The following TNFSF11 variants were observed in gnomAD, a reference collection of about 807,000 sequenced individuals.
The protein encoded by TNFSF11 is tumor necrosis factor ligand superfamily member 11.
Under a neutral mutation model 32.2 loss-of-function variants are expected in TNFSF11, and 12 were observed. That is an observed-to-expected ratio of 0.37 (90% CI 0.24 to 0.60). The LOEUF is 0.60. Ranked by LOEUF, TNFSF11 falls within the 20% of genes least tolerant of loss-of-function variation. The pLI is 0.66. For synonymous variants in TNFSF11, 172 were observed against 152.1 expected, an observed-to-expected ratio of 1.13 and a Z score of -0.96; for missense variants, 345 against 398.0, an observed-to-expected ratio of 0.87 and a Z score of 1.13.
chr13:42,606,725 C>A lies in TNFSF11; in HGVS notation c.761C>A (p.Thr254Asn). Residue 254 changes from threonine to asparagine, a missense_variant, in exon 5 of 5, where the codon ACC becomes AAC. This residue lies in a region of TNFSF11 where 148 missense variants were observed against 216.0 expected (regional missense o/e 0.69). Transcript: ENST00000398795. ...KTSIKIPSSH[T>N]LMKGGSTKYW... The stretch of plus-strand genomic sequence containing the variant: ...AGCATCAAAATCCCAAGTTCTCATA[C>A]CCTGATGAAAGGAGGAAGCACCAAG... 6.2e-7 allele frequency: 1 copy of A among 1,614,176 alleles called. No homozygotes were observed.
At chr13:42,574,599 C>T in intron 1 of TNFSF11, 77 bp downstream of exon 1, 3 of 1,522,872 alleles carry the variant, frequency 2.0e-6, no homozygotes, top group Non-Finnish European at 2.7e-6. Context: ...CTGAGTCTGG[C>T]GGCAGGGCTG....
At chr13:42,583,894 A>G (rs905190120) in intron 2 of TNFSF11, among the ~76,000 whole-genome samples, 1 of 152,174 alleles carries the variant, frequency 6.6e-6, no homozygotes, top group African/African-American at 2.4e-5. Context: ...TGATATAATT[A>G]TATACTTAGG....
intron 1 of TNFSF11, among the ~76,000 whole-genome samples, chr13:42,564,963 C>T (rs1872816370): frequency 6.6e-6 from 1 of 152,232 alleles, no homozygotes; most frequent in African/African-American, 2.4e-5. Flanking sequence ...TCAACAAAAT[C>T]TGTGGGGGAA....
At chr13:42,586,260 T>C (rs1873895195) in intron 2 of TNFSF11, among the ~76,000 whole-genome samples, 2 of 152,220 alleles carry the variant, frequency 1.3e-5, no homozygotes, top group Admixed American at 6.5e-5. Context: ...CATCTGAATA[T>C]ATCACACTTA....
chr13:42,603,204 CTTGCATT>C (rs1869270024), intron 4 of TNFSF11, among the ~76,000 whole-genome samples: 1 of 152,174 alleles, frequency 6.6e-6, no homozygotes, highest in African/African-American at 2.4e-5. Flanking sequence ...ACTGATACCA[CTTGCATT>C]TTCAAAATAT....
intron 2 of TNFSF11, among the ~76,000 whole-genome samples, chr13:42,598,265 G>A (rs1395880908): frequency 6.6e-6 from 1 of 152,176 alleles, no homozygotes; most frequent in Non-Finnish European, 1.5e-5. Flanking sequence ...TGATGGAAAG[G>A]CAGATCAGAG....
rs1051020748 is a variant in TNFSF11, at chr13:42,574,313, G to T, written c.10G>T (p.Ala4Ser). The T allele has an allele frequency of 3.2e-6, 5 of 1,545,944 alleles. No homozygotes were observed. The highest frequency in any genetic ancestry group is 4.4e-6 in the Non-Finnish European group (5 of 1,145,914). The change falls in exon 1 of 5, where the codon GCC (alanine) becomes TCC (serine). Residue 4 changes from alanine to serine, a missense_variant. Ala to Ser is a moderately conservative substitution (Grantham distance 99). Coordinates refer to ENST00000398795, the MANE Select transcript of TNFSF11 (RefSeq NM_003701.4). MRR[A>S]SRDYTKYLRG... Reference sequence around the variant, plus strand: ...GAGAGGGCCGAGCGCCATGCGCCGCGCCAGCAGAGACTACACCAAGTACCT... The same window carrying T: ...GAGAGGGCCGAGCGCCATGCGCCGCTCCAGCAGAGACTACACCAAGTACCT...
At chr13:42,591,184 T>A (rs1347256037) in intron 2 of TNFSF11, among the ~76,000 whole-genome samples, 1 of 152,210 alleles carries the variant, frequency 6.6e-6, no homozygotes, top group East Asian at 1.9e-4. Context: ...GTAGAATTCA[T>A]GTTGACAAGA....
At chr13:42,576,763 T>C (rs1362904497) in intron 1 of TNFSF11, among the ~76,000 whole-genome samples, 1 of 152,248 alleles carries the variant, frequency 6.6e-6, no homozygotes, top group Non-Finnish European at 1.5e-5. Context: ...CATTTTGAGA[T>C]ACATTCTGAA....
Position 42,581,313 on chromosome 13 carries a change from G to T in TNFSF11, c.387+20G>T. On this transcript the variant is annotated intron_variant, in intron 2 of 4. Coordinates refer to ENST00000398795, the MANE Select transcript of TNFSF11 (RefSeq NM_003701.4). ...CAAAAGGTAAGTCCACATCGAGGCT[G>T]ATAAGTCAAGGGCCCTTGCTGACTC... 6.2e-7 allele frequency: 1 copy of T among 1,613,664 alleles called. No individual in the cohort carries two copies. The highest frequency in any genetic ancestry group is 8.5e-7 in the Non-Finnish European group (1 of 1,179,716).
chr13:42,564,548 C>G (rs1004980944), intron 1 of TNFSF11, among the ~76,000 whole-genome samples: 1 of 149,202 alleles, frequency 6.7e-6, no homozygotes, highest in Non-Finnish European at 1.5e-5. Flanking sequence ...GCCTGGGCAA[C>G]AAGAATGAAA....
chr13:42,578,229 G>C (rs1001452015), intron 1 of TNFSF11, among the ~76,000 whole-genome samples: 3 of 152,200 alleles, frequency 2.0e-5, no homozygotes, highest in African/African-American at 7.2e-5. Flanking sequence ...CCTCCAACCA[G>C]ACTAATGTGT....
chr13:42,575,250 T>A (rs955459195), intron 1 of TNFSF11, among the ~76,000 whole-genome samples: 11 of 152,122 alleles, frequency 7.2e-5, no homozygotes, highest in Non-Finnish European at 1.6e-4. Context: ...GTTACTACAG[T>A]CTAGCAAATA....
At chr13:42,581,902 G>A (rs910889640) in intron 2 of TNFSF11, among the ~76,000 whole-genome samples, 69 of 152,278 alleles carry the variant, frequency 4.5e-4, no homozygotes, top group African/African-American at 1.6e-3. Context: ...CTCTTACACC[G>A]ACAGCCCCAG....
At chr13:42,580,986 G>T in intron 1 of TNFSF11, 140 bp from the exon 2 acceptor site, 1 of 857,890 alleles carries the variant, frequency 1.2e-6, no homozygotes, top group Non-Finnish European at 1.9e-6. Context: ...CCATCTTGAG[G>T]TTCATTGTAT....
chr13:42,565,195 C>A (rs1872825069), intron 1 of TNFSF11, among the ~76,000 whole-genome samples: 1 of 149,560 alleles, frequency 6.7e-6, no homozygotes, highest in African/African-American at 2.5e-5. Flanking sequence ...ATTATCAGCT[C>A]ATCGATAACT....
chr13:42,574,078 C>T (rs1370787181), upstream of TNFSF11: 5 of 580,328 alleles, frequency 8.6e-6, no homozygotes, highest in African/African-American at 7.9e-5. Context: ...GAGGCAGCCT[C>T]GCCTGGGGCT....
At chr13:42,590,889 A>G (rs1469439939) in intron 2 of TNFSF11, among the ~76,000 whole-genome samples, 1 of 152,240 alleles carries the variant, frequency 6.6e-6, no homozygotes, top group African/African-American at 2.4e-5. Context: ...CAGGAAAAGC[A>G]TCAGTCTGCT....
At chr13:42,604,516 C>A (rs189341726) in intron 4 of TNFSF11, among the ~76,000 whole-genome samples, 3 of 152,286 alleles carry the variant, frequency 2.0e-5, no homozygotes, top group Admixed American at 6.5e-5. Context: ...CCATTGAATT[C>A]TTGGTCTTCT....
Sources: gnomAD v4.1 joint callset for allele counts (sites outside exome capture counted in the v4.1 genomes callset) on GRCh38, gnomAD v4.1.1 for gene constraint, gnomAD v4.1.1 regional missense constraint, MANE v1.5 for transcripts, NCBI Gene and HGNC (gene_info 2026-07-23, HGNC 2026-07-21) for gene names.